Variants in NRG3 observed in about 807,000 individuals in gnomAD.
NRG3 encodes the protein neuregulin 3, also known as pro-neuregulin-3, membrane-bound isoform.
In NRG3, 31 loss-of-function variants were observed where a neutral mutation model predicts 66.9. The observed-to-expected ratio is 0.46, with a 90% CI of 0.35 to 0.63. NRG3 has a LOEUF of 0.63. Among genes scored for constraint, NRG3 ranks in the 20% least tolerant of loss-of-function variants. NRG3 has a pLI of 0.00. For synonymous variants in NRG3, 393 were observed against 359.4 expected, an observed-to-expected ratio of 1.09 and a Z score of -1.06; for missense variants, 910 against 878.9, an observed-to-expected ratio of 1.04 and a Z score of -0.45.
chr10:82,563,526 T>G (rs1028906024), intron 2 of NRG3, among the ~76,000 whole-genome samples: 1 of 152,038 alleles, frequency 6.6e-6, no homozygotes, highest in African/African-American at 2.4e-5. Context: ...ACTTAGTATT[T>G]ATGTATATTT....
chr10:82,597,150 C>A (rs1309368697), intron 2 of NRG3, among the ~76,000 whole-genome samples: 2 of 152,090 alleles, frequency 1.3e-5, no homozygotes, highest in East Asian at 3.8e-4. Context: ...TTTTAAGCAA[C>A]CGTAAAGAAC....
intron 3 of NRG3, among the ~76,000 whole-genome samples, chr10:82,739,520 G>T (rs191024247): frequency 1.1e-4 from 16 of 152,302 alleles, no homozygotes; most frequent in Admixed American, 9.8e-4. Flanking sequence ...TAAGGACAGA[G>T]GTCGCCCTGC....
chr10:82,208,154 A>T (rs1321703917), intron 1 of NRG3, among the ~76,000 whole-genome samples: 1 of 152,174 alleles, frequency 6.6e-6, no homozygotes, highest in Non-Finnish European at 1.5e-5. Context: ...ATTATATGAA[A>T]TGATTTAAAA....
At chr10:82,741,015 T>C (rs1486383367) in intron 3 of NRG3, among the ~76,000 whole-genome samples, 1 of 152,100 alleles carries the variant, frequency 6.6e-6, no homozygotes, top group Admixed American at 6.5e-5. Context: ...TTTCTCCAGT[T>C]TTCTGTAAAG....
chr10:81,875,930 C>T lies in NRG3; in HGVS notation c.590C>T (p.Thr197Met), dbSNP rs1370866519. 5 of 1,613,626 alleles carry T rather than the reference C, an allele frequency of 3.1e-6. No homozygotes were observed. The highest frequency in any genetic ancestry group is 1.3e-5 in the African/African-American group (1 of 75,082). ...GCCCCTGCGACGGTCCCGTCCACCA[C>T]GGCCCCGTTCTTCAGTAGCAGCACG... ...TAAPATVPST[T>M]APFFSSSTLG... The change falls in exon 1 of 9, where the codon ACG becomes ATG. Residue 197 changes from threonine (T) to methionine (M), a missense_variant. Physicochemically the swap from Thr to Met is moderately conservative, Grantham distance 81. Coordinates refer to ENST00000372141, the MANE Select transcript of NRG3 (RefSeq NM_001010848.4). This position sits in a 1 kb window ranked among gnomAD's most constrained non-coding sequence, Gnocchi z 5.3.
At chr10:82,182,401 T>C (rs1378305218) in intron 1 of NRG3, among the ~76,000 whole-genome samples, 1 of 151,744 alleles carries the variant, frequency 6.6e-6, no homozygotes, top group Non-Finnish European at 1.5e-5. Flanking sequence ...CTCATTTATC[T>C]TCTATAAATA....
At chr10:82,266,253 G>A (rs2078287362) in intron 1 of NRG3, among the ~76,000 whole-genome samples, 1 of 152,122 alleles carries the variant, frequency 6.6e-6, no homozygotes, top group Admixed American at 6.6e-5. Flanking sequence ...GGTTCAAGGG[G>A]CAGTCGGGGA....
At chr10:82,051,772 T>C (rs893996034) in intron 1 of NRG3, among the ~76,000 whole-genome samples, 1 of 152,118 alleles carries the variant, frequency 6.6e-6, no homozygotes, top group Non-Finnish European at 1.5e-5. Flanking sequence ...CATTATTAAA[T>C]CTAAATTATC....
At chr10:82,425,422 T>C (rs752172549) in intron 2 of NRG3, among the ~76,000 whole-genome samples, 9 of 151,884 alleles carry the variant, frequency 5.9e-5, no homozygotes, top group Non-Finnish European at 2.9e-5. Flanking sequence ...TTTTAGAGTT[T>C]CCATTTCTCT....
At chr10:82,931,630 A>G (rs994348486) in intron 4 of NRG3, among the ~76,000 whole-genome samples, 4 of 152,058 alleles carry the variant, frequency 2.6e-5, no homozygotes, top group Non-Finnish European at 5.9e-5. Context: ...TGACTCTTCT[A>G]TTGGATTTTG....
At chr10:81,913,866 T>A (rs1239681209) in intron 1 of NRG3, among the ~76,000 whole-genome samples, 5 of 152,214 alleles carry the variant, frequency 3.3e-5, no homozygotes, top group African/African-American at 1.2e-4. Context: ...ATAGAAAAAT[T>A]GAAACATACT....
chr10:82,536,988 C>G (rs1260413592), intron 2 of NRG3, among the ~76,000 whole-genome samples: 1 of 151,858 alleles, frequency 6.6e-6, no homozygotes, highest in Non-Finnish European at 1.5e-5. Flanking sequence ...TAAGCAAGCA[C>G]TCTAAACTTG....
chr10:82,242,248 G>A (rs2077039326), intron 1 of NRG3, among the ~76,000 whole-genome samples: 1 of 152,030 alleles, frequency 6.6e-6, no homozygotes, highest in Non-Finnish European at 1.5e-5. Context: ...TGTTTTCTAT[G>A]TCTGGAATTT....
Position 82,893,463 on chromosome 10 carries a change from G to A in NRG3, c.1054+28026G>A, listed in dbSNP as rs1843357199. On this transcript the variant is annotated intron_variant, in intron 4 of 8. Transcript: ENST00000372141. ...CCAGCACTTTGGGAAGCTAAGGCGG[G>A]CAGATCACGAGGTCAGGAGATCGAG... 2.6e-5 allele frequency among the ~76,000 whole-genome samples: 4 copies of A among 152,310 alleles called. No homozygotes were observed. In the South Asian group the frequency reaches 8.3e-4, roughly 32 times the overall value.
rs937440414 is a variant in NRG3, at chr10:81,964,183, T to A, written c.823+88020T>A. Among the ~76,000 whole-genome samples, 3 of 152,176 alleles carry A rather than the reference T, an allele frequency of 2.0e-5. No homozygotes were observed. The East Asian group carries it at 5.8e-4, about 29-fold the overall frequency. On this transcript the variant is annotated intron_variant, in intron 1 of 8. Transcript: ENST00000372141. ...CACAGATATGTGAACATGTATAATTTACTCCAATGGAATCATATTCTATAT... is the reference window on the plus strand; with the variant it reads ...CACAGATATGTGAACATGTATAATTAACTCCAATGGAATCATATTCTATAT...
intron 2 of NRG3, among the ~76,000 whole-genome samples, chr10:82,707,942 A>G (rs1591258027): frequency 6.6e-6 from 1 of 151,194 alleles, no homozygotes; most frequent in East Asian, 2.0e-4. Flanking sequence ...GAATTGCTTG[A>G]ACCTAGGAGG....
intron 1 of NRG3, among the ~76,000 whole-genome samples, chr10:82,078,475 C>T (rs533265801): frequency 3.7e-4 from 57 of 152,294 alleles, no homozygotes; most frequent in African/African-American, 1.3e-3. Context: ...CTCAGCCTCC[C>T]GAGTAGCTGG....
chr10:82,707,901 A>G (rs923205236), intron 2 of NRG3, among the ~76,000 whole-genome samples: 2 of 149,036 alleles, frequency 1.3e-5, no homozygotes, highest in African/African-American at 4.9e-5. Flanking sequence ...GCATGCCTGT[A>G]ATCCCAGCTA....
chr10:82,617,031 G>C (rs2048699043), intron 2 of NRG3, among the ~76,000 whole-genome samples: 1 of 152,156 alleles, frequency 6.6e-6, no homozygotes, highest in African/African-American at 2.4e-5. Flanking sequence ...TGGGGGATTG[G>C]ATAGTCCTTG....
Sources: gnomAD v4.1 joint callset for allele counts (sites outside exome capture counted in the v4.1 genomes callset) on GRCh38, gnomAD v4.1.1 for gene constraint, Gnocchi (gnomAD v3.1) non-coding constraint, MANE v1.5 for transcripts, NCBI Gene and HGNC (gene_info 2026-07-23, HGNC 2026-07-21) for gene names.